Variants in CDH18 observed in about 807,000 individuals in gnomAD.
CDH18 encodes the protein cadherin-18.
In CDH18, 31 loss-of-function variants were observed where a neutral mutation model predicts 67.9. The observed-to-expected ratio is 0.46, with a 90% CI of 0.34 to 0.62. The LOEUF (loss-of-function observed/expected upper bound fraction) is 0.62. Among genes scored for constraint, CDH18 ranks in the 20% least tolerant of loss-of-function variants. The pLI, the probability that CDH18 is intolerant of heterozygous loss-of-function variation, is 0.01. For synonymous variants in CDH18, 362 were observed against 347.2 expected (o/e 1.04, Z -0.48); for missense variants, 890 against 975.5 (o/e 0.91, Z 1.17).
chr5:20,295,761 G>T (rs1747444534), intron 1 of CDH18, among the ~76,000 whole-genome samples: 1 of 151,220 alleles, frequency 6.6e-6, no homozygotes, highest in Non-Finnish European at 1.5e-5. Flanking sequence ...CATAAGATTT[G>T]ATTGTATATA....
chr5:19,595,582 C>G (rs1746042298), intron 6 of CDH18, among the ~76,000 whole-genome samples: 1 of 152,146 alleles, frequency 6.6e-6, no homozygotes, highest in African/African-American at 2.4e-5. Context: ...CGACGTTGTG[C>G]CACTGCACTC....
intron 3 of CDH18, among the ~76,000 whole-genome samples, chr5:19,798,614 T>C (rs1334930811): frequency 6.6e-6 from 1 of 152,008 alleles, no homozygotes; most frequent in Non-Finnish European, 1.5e-5. Flanking sequence ...GAAAAAAATC[T>C]CAAAAAGTTA....
chr5:20,300,293 TGTGTGTGTGC>T (rs1484040885), intron 1 of CDH18, among the ~76,000 whole-genome samples: 2 of 97,936 alleles, frequency 2.0e-5, no homozygotes, highest in Non-Finnish European at 4.7e-5. Flanking sequence ...TAGATTAAGT[TGTGTGTGTGC>T]GTGTGTGTGT....
chr5:19,693,417 C>T (rs1314579045), intron 5 of CDH18, among the ~76,000 whole-genome samples: 2 of 152,142 alleles, frequency 1.3e-5, no homozygotes, highest in African/African-American at 4.8e-5. Flanking sequence ...ATCTGAAGTG[C>T]ATCTTTCTTG....
Position 19,835,139 on chromosome 5 carries a change from A to G in CDH18, c.228+3620T>C, listed in dbSNP as rs151256077. On this transcript the variant is annotated intron_variant, in intron 3 of 12. Transcript: ENST00000382275. The stretch of plus-strand genomic sequence containing the variant: ...ACCAACCCAAATGCCTATCAATAAT[A>G]GACTAAATTAAGAAAATGTGGTACA... Among the ~76,000 whole-genome samples, 468 of 152,314 alleles carry G rather than the reference A, an allele frequency of 3.1e-3. 1 individual carries two copies. The highest frequency in any genetic ancestry group is 0.011 in the African/African-American group (445 of 41,580).
intron 2 of CDH18, among the ~76,000 whole-genome samples, chr5:20,215,848 G>A (rs151311978): frequency 1.0e-3 from 154 of 151,922 alleles, no homozygotes; most frequent in African/African-American, 3.5e-3. Flanking sequence ...GCTGGAGGCC[G>A]TTATCCTTAG....
intron 2 of CDH18, among the ~76,000 whole-genome samples, chr5:20,226,914 C>T (rs145452550): frequency 1.1e-4 from 17 of 152,100 alleles, no homozygotes; most frequent in Non-Finnish European, 2.4e-4. Context: ...TGACTAAATT[C>T]GAATCACTGG....
At chr5:19,758,615 C>T (rs956341878) in intron 3 of CDH18, among the ~76,000 whole-genome samples, 2 of 152,156 alleles carry the variant, frequency 1.3e-5, no homozygotes, top group African/African-American at 2.4e-5. Flanking sequence ...ACACACTAAA[C>T]GAGGAATGTG....
At chr5:19,625,150 G>A (rs1751333262) in intron 5 of CDH18, among the ~76,000 whole-genome samples, 1 of 152,028 alleles carries the variant, frequency 6.6e-6, no homozygotes, top group Non-Finnish European at 1.5e-5. Flanking sequence ...CATCCAACAG[G>A]TAATTGCTGT....
At chr5:20,356,741 C>T (rs1049027460) in intron 1 of CDH18, among the ~76,000 whole-genome samples, 1 of 143,642 alleles carries the variant, frequency 7.0e-6, no homozygotes, top group African/African-American at 2.7e-5. Context: ...CTCTCTCTCT[C>T]TCTCTCTCTC....
chr5:19,936,233 G>A (rs1004936569), intron 2 of CDH18, among the ~76,000 whole-genome samples: 7 of 150,812 alleles, frequency 4.6e-5, no homozygotes, highest in African/African-American at 9.7e-5. Flanking sequence ...TTTCCCCTTC[G>A]GTATAAAAAG....
intron 6 of CDH18, among the ~76,000 whole-genome samples, chr5:19,603,063 C>G (rs915753164): frequency 6.6e-6 from 1 of 152,100 alleles, no homozygotes; most frequent in Non-Finnish European, 1.5e-5. Context: ...GGGTGTTACA[C>G]CCATATTCAC....
intron 2 of CDH18, among the ~76,000 whole-genome samples, chr5:19,995,762 T>C (rs557369452): frequency 5.3e-5 from 8 of 152,120 alleles, no homozygotes; most frequent in Non-Finnish European, 8.8e-5. Context: ...GCTTCCCTTA[T>C]AGCAGAAAGA....
chr5:20,182,765 G>C (rs1737791497), intron 2 of CDH18, among the ~76,000 whole-genome samples: 1 of 151,806 alleles, frequency 6.6e-6, no homozygotes, highest in African/African-American at 2.4e-5. Flanking sequence ...GCCCTCATCA[G>C]ATACCAAATC....
intron 8 of CDH18, among the ~76,000 whole-genome samples, chr5:19,568,209 C>CCCTA (rs1203745901): frequency 6.6e-6 from 1 of 152,038 alleles, no homozygotes; most frequent in African/African-American, 2.4e-5. Context: ...GCCAGTAACA[C>CCCTA]CCTACCTGCT....
At chr5:20,003,667 C>A (rs1409197233) in intron 2 of CDH18, among the ~76,000 whole-genome samples, 1 of 152,042 alleles carries the variant, frequency 6.6e-6, no homozygotes, top group African/African-American at 2.4e-5. Flanking sequence ...GGCCGAGGTG[C>A]GGATCACGAG....
intron 2 of CDH18, among the ~76,000 whole-genome samples, chr5:20,115,703 C>CA (rs1170263232): frequency 6.6e-6 from 1 of 152,052 alleles, no homozygotes; most frequent in African/African-American, 2.4e-5. Context: ...AAGGAATCCT[C>CA]CATGGGTTAT....
chr5:20,195,040 A>G (rs1321678621), intron 2 of CDH18, among the ~76,000 whole-genome samples: 1 of 152,122 alleles, frequency 6.6e-6, no homozygotes, highest in Non-Finnish European at 1.5e-5. Context: ...AATGGAAAAT[A>G]TAAATATCCA....
chr5:19,576,432 A>G (rs1742329587), intron 7 of CDH18, among the ~76,000 whole-genome samples: 1 of 152,168 alleles, frequency 6.6e-6, no homozygotes, highest in East Asian at 1.9e-4. Context: ...AAATGGGCAA[A>G]TCACTTAATA....
Sources: gnomAD v4.1 joint callset for allele counts (sites outside exome capture counted in the v4.1 genomes callset) on GRCh38, gnomAD v4.1.1 for gene constraint, MANE v1.5 for transcripts, NCBI Gene and HGNC (gene_info 2026-07-23, HGNC 2026-07-21) for gene names.